PTPRR: variants seen among roughly 807,000 people sequenced by gnomAD.
PTPRR encodes receptor-type tyrosine-protein phosphatase R.
PTPRR carries 38 observed loss-of-function variants against 77.2 expected under a neutral mutation model. The ratio of observed to expected loss-of-function variants is 0.49; its 90% CI spans 0.38 to 0.65. The LOEUF is 0.65. PTPRR is among the 30% of genes least tolerant of loss of function. The pLI is 0.00. For missense variants in PTPRR, 744 were observed against 799.2 expected (o/e 0.93, Z 0.83); for synonymous variants, 299 against 283.1 (o/e 1.06, Z -0.57).
At chr12:70,797,077 G>C (rs746871504) in intron 2 of PTPRR, among the ~76,000 whole-genome samples, 77 of 152,160 alleles carry the variant, frequency 5.1e-4, no homozygotes, top group Non-Finnish European at 1.0e-4. Flanking sequence ...GTATGGATAA[G>C]TCGTATCCTT....
In PTPRR at chr12:70,716,897, T is replaced by C. The variant is rs142178712; in HGVS notation, c.1008-15574A>G. On this transcript the variant is annotated intron_variant, in intron 6 of 13. Coordinates refer to ENST00000283228, the MANE Select transcript of PTPRR (RefSeq NM_002849.4). ...ACAGAAGACACTTCAGTCTTCCCTA[T>C]AGATATGCAACTGGTAATCATTAAG... Among the ~76,000 whole-genome samples the C allele has an allele frequency of 3.7e-3, 566 of 152,308 alleles. 4 individuals are homozygous for C. The highest frequency in any genetic ancestry group is 4.5e-3 in the Non-Finnish European group (305 of 68,022).
chr12:70,724,158 A>G (rs1889354706), intron 6 of PTPRR, among the ~76,000 whole-genome samples: 1 of 152,228 alleles, frequency 6.6e-6, no homozygotes, highest in African/African-American at 2.4e-5. Context: ...TTTCAGAATC[A>G]CTTCCAAAAT....
chr12:70,868,159 A>G (rs1892891920), intron 2 of PTPRR, among the ~76,000 whole-genome samples: 1 of 152,174 alleles, frequency 6.6e-6, no homozygotes, highest in South Asian at 2.1e-4. Context: ...ACAAAAAGCA[A>G]TGGCAATAAA....
chr12:70,915,767 C>A (rs1250602632), intron 1 of PTPRR, among the ~76,000 whole-genome samples: 1 of 152,100 alleles, frequency 6.6e-6, no homozygotes, highest in Non-Finnish European at 1.5e-5. Context: ...GAGTTTTGGA[C>A]AAATGAGCTG....
chr12:70,671,974 G>A lies in PTPRR; in HGVS notation c.1498-9369C>T, dbSNP rs140477906. On this transcript the variant is annotated intron_variant, in intron 10 of 13. Transcript: ENST00000283228. ...CAGCTCTGCTGCAGGCTCAGAAGTG[G>A]CCCTTTCAACCCTCCAGAGACATGA... The A allele has an allele frequency of 2.9e-3, 3,609 of 1,233,334 alleles. 14 individuals are homozygous for A. Among genetic ancestry groups the A allele is most frequent in the Non-Finnish European group, 4.0e-3 (3,329 of 840,650 alleles). 76.4% of individuals were successfully genotyped at this position (1,233,334 alleles called of 1,614,324 possible). A position where few individuals can be genotyped will look rare whatever the true frequency, so the allele number is the denominator to read the frequency against.
intron 1 of PTPRR, among the ~76,000 whole-genome samples, chr12:70,906,402 G>A (rs751896244): frequency 6.6e-6 from 1 of 151,928 alleles, no homozygotes; most frequent in African/African-American, 2.4e-5. Context: ...CAGAAGCAGG[G>A]ATTTCCAGAA....
chr12:70,807,915 T>C (rs976603671), intron 2 of PTPRR, among the ~76,000 whole-genome samples: 1 of 152,184 alleles, frequency 6.6e-6, no homozygotes, highest in Non-Finnish European at 1.5e-5. Context: ...ATAACAGCGA[T>C]TTTCAGGGAA....
intron 2 of PTPRR, among the ~76,000 whole-genome samples, chr12:70,842,226 G>A (rs1892409678): frequency 6.6e-6 from 1 of 152,110 alleles, no homozygotes; most frequent in South Asian, 2.1e-4. Context: ...ATTATAATGA[G>A]TATAATCAGA....
chr12:70,663,175 T>A (rs1017800242), intron 10 of PTPRR, among the ~76,000 whole-genome samples: 8 of 152,290 alleles, frequency 5.3e-5, no homozygotes, highest in African/African-American at 1.9e-4. Flanking sequence ...GACCAACAGT[T>A]TTTTTCACTT....
At chr12:70,856,934 A>ATATATCTACCCAATTATATATCTAC (rs1565719990) in intron 2 of PTPRR, among the ~76,000 whole-genome samples, 1 of 152,132 alleles carries the variant, frequency 6.6e-6, no homozygotes, top group African/African-American at 2.4e-5. Context: ...ATTTACCAAT[A>ATATATCTACCCAATTATATATCTAC]CAGGAAATAA....
intron 6 of PTPRR, among the ~76,000 whole-genome samples, chr12:70,715,372 C>T (rs569775832): frequency 2.0e-5 from 3 of 152,192 alleles, no homozygotes; most frequent in Middle Eastern, 3.4e-3. Flanking sequence ...ACTACAGGAC[C>T]GGGGCAAAGT....
intron 2 of PTPRR, among the ~76,000 whole-genome samples, chr12:70,874,683 GGAGGCCAAGGTGGGTGGATCAC>G (rs1246444271): frequency 2.0e-5 from 3 of 152,052 alleles, no homozygotes; most frequent in Non-Finnish European, 4.4e-5. Context: ...CAGCACTTTG[GGAGGCCAAGGTGGGTGGATCAC>G]GAGGTCAAGA....
chr12:70,644,459 A>G (rs1886123751), intron 13 of PTPRR, among the ~76,000 whole-genome samples: 1 of 152,208 alleles, frequency 6.6e-6, no homozygotes, highest in Non-Finnish European at 1.5e-5. Context: ...ACTGTTGTCA[A>G]GACAAATTCT....
intron 1 of PTPRR, among the ~76,000 whole-genome samples, chr12:70,902,371 T>C (rs1332600774): frequency 6.6e-6 from 1 of 151,812 alleles, no homozygotes; most frequent in Admixed American, 6.6e-5. Flanking sequence ...AAACACACGT[T>C]TATAGCAGCA....
chr12:70,701,118 C>T lies in PTPRR; in HGVS notation c.1194+19G>A. 1 of 1,613,120 alleles carries T rather than the reference C, an allele frequency of 6.2e-7. No individual in the cohort carries two copies. The highest frequency in any genetic ancestry group is 1.1e-5 in the South Asian group (1 of 91,010). ...ATCAAAATACCGACTGAAGAGTGAA[C>T]AATAAATAGAAGGCTCACCATGAAT... On this transcript the variant is annotated intron_variant, in intron 7 of 13. Transcript: ENST00000283228.
At chr12:70,789,013 C>T (rs1424365029) in intron 2 of PTPRR, 2 of 663,274 alleles carry the variant, frequency 3.0e-6, no homozygotes, top group South Asian at 2.8e-5. Flanking sequence ...AGGTCTACTG[C>T]AGCAGCCTGT....
At chr12:70,856,725 G>A (rs58447366) in intron 2 of PTPRR, among the ~76,000 whole-genome samples, 12 of 145,510 alleles carry the variant, frequency 8.2e-5, no homozygotes, top group East Asian at 2.0e-4. Flanking sequence ...TTATGATGGC[G>A]AAGAGTATAT....
At chr12:70,643,290 T>G (rs1886075056) in intron 13 of PTPRR, among the ~76,000 whole-genome samples, 2 of 152,052 alleles carry the variant, frequency 1.3e-5, no homozygotes, top group Non-Finnish European at 2.9e-5. Context: ...CATGCCACCA[T>G]ACTGAGCTAA....
intron 6 of PTPRR, among the ~76,000 whole-genome samples, chr12:70,714,769 G>A (rs1888957833): frequency 6.6e-6 from 1 of 152,092 alleles, no homozygotes; most frequent in South Asian, 2.1e-4. Context: ...CAGATTGCAT[G>A]AGCCCAGGAG....
Sources: allele counts gnomAD v4.1 joint callset (sites outside exome capture counted in the v4.1 genomes callset), GRCh38; gene constraint gnomAD v4.1.1; transcripts MANE v1.5; gene names NCBI Gene and HGNC (gene_info 2026-07-23, HGNC 2026-07-21).